CRYBG1: variants seen among roughly 807,000 people sequenced by gnomAD.
CRYBG1 encodes the protein beta/gamma crystallin domain-containing protein 1.
A neutral mutation model predicts 189.2 loss-of-function variants in CRYBG1; 139 were observed. That is an observed-to-expected ratio of 0.73 (90% CI 0.64 to 0.85). The LOEUF (loss-of-function observed/expected upper bound fraction) is 0.85, where lower values mean the gene tolerates loss of function less well. Ranked by LOEUF, CRYBG1 falls within the 40% of genes least tolerant of loss-of-function variation. The pLI, the probability that CRYBG1 is intolerant of heterozygous loss-of-function variation, is 0.00. For missense variants in CRYBG1, 2,611 were observed against 2,675.8 expected, an observed-to-expected ratio of 0.98 and a Z score of 0.53; for synonymous variants, 1,023 against 1,017.1, an observed-to-expected ratio of 1.01 and a Z score of -0.11.
intron 1 of CRYBG1, among the ~76,000 whole-genome samples, chr6:106,393,942 G>A (rs1298309111): frequency 6.6e-6 from 1 of 152,078 alleles, no homozygotes; most frequent in Non-Finnish European, 1.5e-5. Flanking sequence ...CAAAGTGCTG[G>A]GATTACAGGT....
At chr6:106,439,016 A>C (rs1296177210) in intron 1 of CRYBG1, among the ~76,000 whole-genome samples, 1 of 151,274 alleles carries the variant, frequency 6.6e-6, no homozygotes, top group East Asian at 1.9e-4. Flanking sequence ...CCTGGGAAAC[A>C]TAGTGAGACC....
intron 2 of CRYBG1, among the ~76,000 whole-genome samples, chr6:106,497,436 G>A (rs1049097803): frequency 2.6e-5 from 4 of 152,132 alleles, no homozygotes; most frequent in African/African-American, 9.7e-5. Flanking sequence ...TGGTCTCCAT[G>A]GTCTATTTCC....
Position 106,521,184 on chromosome 6 carries a change from A to G in CRYBG1, c.3976A>G (p.Ser1326Gly). The change falls in exon 4 of 22, where the codon AGT (serine) becomes GGT (glycine). Residue 1326 changes from serine (S) to glycine (G), a missense_variant. Ser to Gly is a moderately conservative substitution (Grantham distance 56). This residue lies in a region of CRYBG1 where 1,622 missense variants were observed against 1,735.0 expected (regional missense o/e 0.93). Transcript: ENST00000633556. ...AAGTACATCACACTCCAGTTTGAAAAGTCCAAGCCACATGGAAAAATACCC... is the reference window on the plus strand; with the variant it reads ...AAGTACATCACACTCCAGTTTGAAAGGTCCAAGCCACATGGAAAAATACCC... ...SSSTSHSSLK[S>G]PSHMEKYPQK... 1.2e-6 allele frequency: 2 copies of G among 1,614,226 alleles called. No homozygotes were observed. The highest frequency in any genetic ancestry group is 2.2e-5 in the South Asian group (2 of 91,084).
At position 106,393,875 on chromosome 6, in the gene CRYBG1, G is replaced by A. The variant is rs146142810; in HGVS notation, c.173+32794G>A. Among the ~76,000 whole-genome samples, 218 of 152,214 alleles carry A rather than the reference G, an allele frequency of 1.4e-3. 3 individuals are homozygous for A. The highest frequency in any genetic ancestry group is 4.9e-3 in the African/African-American group (202 of 41,534). ...TTTAGTACAGATGGGGTTTTGCCATGTTAGCCAGGCTGGTCTCGAACTCCT... is the reference window on the plus strand; with the variant it reads ...TTTAGTACAGATGGGGTTTTGCCATATTAGCCAGGCTGGTCTCGAACTCCT... On this transcript the variant is annotated intron_variant, in intron 1 of 21. Coordinates refer to ENST00000633556, the MANE Select transcript of CRYBG1 (RefSeq NM_001371242.2).
In CRYBG1 at chr6:106,520,955, T is replaced by C. The variant is rs764855382; in HGVS notation, c.3747T>C (p.Ser1249=). ...CACTTTTCTCAAGCTTGTTATCTTC[T>C]TTACCACAAGACAAAATCTTTTCTC... ...KSALFSSLLS[S]LPQDKIFSPS... Residue 1249 remains serine (S), a synonymous_variant, in exon 4 of 22, where the codon TCT becomes TCC. Transcript: ENST00000633556. The C allele has an allele frequency of 4.3e-6, 7 of 1,614,082 alleles. No individual in the cohort carries two copies. The highest frequency in any genetic ancestry group is 1.3e-5 in the African/African-American group (1 of 74,928).
Position 106,563,927 on chromosome 6 carries a change from G to A in CRYBG1, c.6301+1G>A, listed in dbSNP as rs1246022356. On this transcript the variant is annotated splice_donor_variant, in intron 21 of 21. Coordinates refer to ENST00000633556, the MANE Select transcript of CRYBG1 (RefSeq NM_001371242.2). LOFTEE classifies it high-confidence loss of function. ...CCAAATTTAGTTTTAGACATTAAAG[G>A]TAAGGGTCACTTCCTTTATTTTCTT... 2 of 1,602,788 alleles carry A rather than the reference G, an allele frequency of 1.2e-6. No individual in the cohort carries two copies. Among genetic ancestry groups the A allele is most frequent in the Non-Finnish European group, 1.7e-6 (2 of 1,170,226 alleles).
At position 106,451,929 on chromosome 6, in the gene CRYBG1, G is replaced by C. The variant is rs893509062; in HGVS notation, c.312+97G>C. On this transcript the variant is annotated intron_variant, in intron 2 of 21. Coordinates refer to ENST00000633556, the MANE Select transcript of CRYBG1 (RefSeq NM_001371242.2). ...CTGTCTAAGAAACACATACTTAAAA[G>C]TAATGGTATATATTGTATATCATAA... 4 of 955,692 alleles carry C rather than the reference G, an allele frequency of 4.2e-6. No individual in the cohort carries two copies. In the East Asian group the frequency reaches 1.2e-4, roughly 28 times the overall value. The allele number at this position is 955,692 out of a possible 1,614,324, so 59.2% of individuals were successfully genotyped here.
chr6:106,490,753 T>A (rs1034665066), intron 2 of CRYBG1, among the ~76,000 whole-genome samples: 1 of 152,182 alleles, frequency 6.6e-6, no homozygotes, highest in South Asian at 2.1e-4. Flanking sequence ...GTGAGGAAAG[T>A]CCTCAAGCTA....
At chr6:106,449,757 T>A (rs996651952) in intron 1 of CRYBG1, among the ~76,000 whole-genome samples, 1 of 152,226 alleles carries the variant, frequency 6.6e-6, no homozygotes, top group Non-Finnish European at 1.5e-5. Context: ...GATATTAGCC[T>A]CACAGGTAGA....
Position 106,378,950 on chromosome 6 carries a change from A to T in CRYBG1, c.173+17869A>T, listed in dbSNP as rs374206800. ...GGATCACCTGAGGTGATCGAAACCA[A>T]CCTGGCCAAAAAACGGTGAAACCCC... On this transcript the variant is annotated intron_variant, in intron 1 of 21. Coordinates refer to ENST00000633556, the MANE Select transcript of CRYBG1 (RefSeq NM_001371242.2). Among the ~76,000 whole-genome samples, 53 of 152,112 alleles carry T rather than the reference A, an allele frequency of 3.5e-4. No homozygotes were observed. The East Asian group carries it at 8.8e-3, about 25-fold the overall frequency.
chr6:106,361,228 G>A lies in CRYBG1; in HGVS notation c.173+147G>A. On this transcript the variant is annotated intron_variant, in intron 1 of 21. Coordinates refer to ENST00000633556, the MANE Select transcript of CRYBG1 (RefSeq NM_001371242.2). Reference sequence around the variant, plus strand: ...CCGCAGGAGGGTACCCGGGTCCGGAGGGGAGCGATCGTAGCCGCTGGGGTT... The same window carrying A: ...CCGCAGGAGGGTACCCGGGTCCGGAAGGGAGCGATCGTAGCCGCTGGGGTT... 6 of 1,054,926 alleles carry A rather than the reference G, an allele frequency of 5.7e-6. No homozygotes were observed. The South Asian group carries it at 8.9e-5, about 16-fold the overall frequency. The allele number at this position is 1,054,926 out of a possible 1,614,324, so 65.3% of individuals were successfully genotyped here. A position where few individuals can be genotyped will look rare whatever the true frequency, so the allele number is the denominator to read the frequency against.
intron 7 of CRYBG1, among the ~76,000 whole-genome samples, chr6:106,527,733 G>A (rs753170656): frequency 3.2e-4 from 49 of 152,004 alleles, no homozygotes; most frequent in Admixed American, 1.2e-3. Flanking sequence ...TATTTTACCT[G>A]GTAACTTGGT....
At chr6:106,448,248 C>A (rs900781865) in intron 1 of CRYBG1, among the ~76,000 whole-genome samples, 1 of 152,200 alleles carries the variant, frequency 6.6e-6, no homozygotes, top group Non-Finnish European at 1.5e-5. Flanking sequence ...GGATCTGGGT[C>A]ACGAGGAAAG....
Position 106,539,488 on chromosome 6 carries a change from A to G in CRYBG1, c.4804A>G (p.Thr1602Ala), listed in dbSNP as rs1321140538. Residue 1602 changes from threonine to alanine, a missense_variant, in exon 9 of 22, where the codon ACA (threonine) becomes GCA (alanine). Around this residue, in one of 3 missense-constraint regions of CRYBG1, gnomAD observed 1,622 missense variants for 1,735.0 expected, o/e 0.93. Transcript: ENST00000633556. ...GEYPDLSFWD[T>A]EEAYIGSMRP... is the part of the protein sequence containing the mutation. ...ATACCCTGACTTGTCCTTCTGGGAT[A>G]CAGAAGAAGCGTACATTGGATCCAT... 7 of 1,613,466 alleles carry G rather than the reference A, an allele frequency of 4.3e-6. No individual in the cohort carries two copies. The highest frequency in any genetic ancestry group is 2.2e-5 in the South Asian group (2 of 91,054).
chr6:106,559,290 TA>T (rs1774638938), intron 18 of CRYBG1, among the ~76,000 whole-genome samples: 1 of 152,224 alleles, frequency 6.6e-6, no homozygotes, highest in African/African-American at 2.4e-5. Flanking sequence ...TGGCAGATGT[TA>T]TACAAATGAT....
At chr6:106,463,250 A>AC (rs1562314117) in intron 2 of CRYBG1, among the ~76,000 whole-genome samples, 2 of 152,196 alleles carry the variant, frequency 1.3e-5, no homozygotes, top group Admixed American at 6.5e-5. Flanking sequence ...AAAAAAAAAA[A>AC]AACAACAACT....
chr6:106,457,032 T>C (rs1257368238), intron 2 of CRYBG1: 2 of 152,230 alleles, frequency 1.3e-5, no homozygotes, highest in African/African-American at 4.8e-5. Flanking sequence ...CCCCAGATCT[T>C]GAAGTCCAAC....
chr6:106,455,474 A>G (rs2114444235), intron 2 of CRYBG1, among the ~76,000 whole-genome samples: 1 of 151,572 alleles, frequency 6.6e-6, no homozygotes, highest in East Asian at 1.9e-4. Flanking sequence ...ACCCTTTATG[A>G]ATTAAAGTGT....
intron 1 of CRYBG1, among the ~76,000 whole-genome samples, chr6:106,408,809 A>G (rs1367449896): frequency 1.3e-5 from 2 of 152,240 alleles, no homozygotes; most frequent in Admixed American, 6.5e-5. Flanking sequence ...AAGGCCTTAG[A>G]TAAAATTCAA....
Sources: allele counts gnomAD v4.1 joint callset (sites outside exome capture counted in the v4.1 genomes callset), GRCh38; gene constraint gnomAD v4.1.1; regional missense constraint gnomAD v4.1.1; transcripts MANE v1.5; gene names NCBI Gene and HGNC (gene_info 2026-07-23, HGNC 2026-07-21).